The following SLC46A1 variants were observed in gnomAD, a reference collection of about 807,000 sequenced individuals.
SLC46A1 encodes the protein solute carrier family 46 member 1, also known as proton-coupled folate transporter.
Under a neutral mutation model 32.1 loss-of-function variants are expected in SLC46A1, and 17 were observed. The ratio of observed to expected loss-of-function variants is 0.53; its 90% CI spans 0.36 to 0.79. SLC46A1 has a LOEUF of 0.79. Ranked by LOEUF, SLC46A1 falls within the 30% of genes least tolerant of loss-of-function variation. The probability of loss-of-function intolerance (pLI) is 0.00; values close to 1 mark genes in which losing one functional copy is unlikely to be tolerated. For missense variants in SLC46A1, 517 were observed against 588.2 expected, an observed-to-expected ratio of 0.88 and a Z score of 1.25; for synonymous variants, 240 against 262.7, an observed-to-expected ratio of 0.91 and a Z score of 0.84.
chr17:28,394,841 G>A lies in SLC46A1; in HGVS notation c.*4815C>T, dbSNP rs2068101089. The A allele has an allele frequency of 6.6e-6, 1 of 152,186 alleles. No individual in the cohort carries two copies. Among genetic ancestry groups the A allele is most frequent in the African/African-American group, 2.4e-5 (1 of 41,426 alleles). 9.4% of individuals were successfully genotyped at this position (152,186 alleles called of 1,614,324 possible). ...CACAGGCAAAGAGAGAGGAATTTTA[G>A]CAGGATTACAACATTTTCCATACAA... On this transcript the variant is annotated 3_prime_UTR_variant, in exon 5 of 5. Coordinates refer to ENST00000612814, the MANE Select transcript of SLC46A1 (RefSeq NM_080669.6).
intron 3 of SLC46A1, chr17:28,400,976 T>C: frequency 1.7e-6 from 1 of 580,330 alleles, no homozygotes; most frequent in South Asian, 2.0e-5. Context: ...ACTAAACAAA[T>C]GGCTGCTATT....
intron 2 of SLC46A1, chr17:28,403,308 G>C (rs1249027211): frequency 6.6e-6 from 1 of 152,246 alleles, no homozygotes; most frequent in Non-Finnish European, 1.5e-5. Context: ...GAAGAGCATG[G>C]CATAGGGACA....
chr17:28,402,600 T>C (rs1257142209), intron 2 of SLC46A1: 1 of 316,314 alleles, frequency 3.2e-6, no homozygotes, highest in Non-Finnish European at 6.1e-6. Flanking sequence ...ACCCACCCAC[T>C]TGGCACTTAG....
chr17:28,405,711 G>A, intron 1 of SLC46A1, 176 bp downstream of exon 1: 1 of 956,178 alleles, frequency 1.0e-6, no homozygotes, highest in Non-Finnish European at 1.5e-6. Flanking sequence ...TCAGCTTTTC[G>A]CATCCCACCC....
chr17:28,405,837 C>A (rs1361281780), intron 1 of SLC46A1, 50 bp downstream of exon 1: 3 of 1,507,912 alleles, frequency 2.0e-6, no homozygotes, highest in Admixed American at 2.1e-5. Flanking sequence ...GCTGCCCCCA[C>A]GCTCCAGACC....
In SLC46A1 at chr17:28,402,163, C is replaced by A. The variant is rs2068203526; in HGVS notation, c.1165+75G>T. On this transcript the variant is annotated intron_variant, in intron 3 of 4. Transcript: ENST00000612814. Reference sequence around the variant, plus strand: ...GGGGGAAGGCAAGCTGTTCCCCCAGCCATGGCTGCCCATCAGCCCGTTTCG... The same window carrying A: ...GGGGGAAGGCAAGCTGTTCCCCCAGACATGGCTGCCCATCAGCCCGTTTCG... 26 of 1,302,116 alleles carry A rather than the reference C, an allele frequency of 2.0e-5. No individual in the cohort carries two copies. In the East Asian group the frequency reaches 6.5e-4, roughly 33 times the overall value. 80.7% of individuals were successfully genotyped at this position (1,302,116 alleles called of 1,614,324 possible). A position where few individuals can be genotyped will look rare whatever the true frequency, so the allele number is the denominator to read the frequency against.
chr17:28,405,669 C>CG lies in SLC46A1; in HGVS notation c.229-202_229-201insC, dbSNP rs375380207. On this transcript the variant is annotated intron_variant, in intron 1 of 4. Coordinates refer to ENST00000612814, the MANE Select transcript of SLC46A1 (RefSeq NM_080669.6). ...GCCCCATTCCCTTTCCTTTCCCCCC[C>CG]CTTTTGTTAACCTGCAAGGCCAGAC... is the stretch of plus-strand genomic sequence containing the variant. The CG allele has an allele frequency of 1.7e-4, 169 of 974,872 alleles. No individual in the cohort carries two copies. In the African/African-American group the frequency reaches 2.3e-3, roughly 14 times the overall value. The allele number at this position is 974,872 out of a possible 1,614,324, so 60.4% of individuals were successfully genotyped here. A position where few individuals can be genotyped will look rare whatever the true frequency, so the allele number is the denominator to read the frequency against.
chr17:28,406,413 C>G, upstream of SLC46A1: 1 of 366,898 alleles, frequency 2.7e-6, no homozygotes, highest in East Asian at 4.3e-5. The surrounding 1 kb of genome is among the most constrained non-coding windows in gnomAD (Gnocchi z 4.5). Flanking sequence ...AGACACACCA[C>G]AGATAACAAG....
In SLC46A1 at chr17:28,405,891, A is replaced by G. The variant is rs375346186; in HGVS notation, c.224T>C (p.Met75Thr). Residue 75 changes from methionine (M) to threonine (T), a missense_variant, in exon 1 of 5, where the codon ATG (methionine) becomes ACG (threonine). Coordinates refer to ENST00000612814, the MANE Select transcript of SLC46A1 (RefSeq NM_080669.6). ...GCSNRSADPT[M>T]QEVETLTSHW... is the part of the protein sequence containing the mutation. Reference sequence around the variant, plus strand: ...GGCTCCTCGCCGCCCCGCTACCTGCATGGTGGGGTCCGCGCTGCGGTTGCT... The same window carrying G: ...GGCTCCTCGCCGCCCCGCTACCTGCGTGGTGGGGTCCGCGCTGCGGTTGCT... 1.3e-6 allele frequency: 2 copies of G among 1,589,082 alleles called. No individual in the cohort carries two copies. Among genetic ancestry groups the G allele is most frequent in the African/African-American group, 2.7e-5 (2 of 74,634 alleles).
At position 28,402,298 on chromosome 17, in the gene SLC46A1, A is replaced by AT; in HGVS notation, c.1104dup (p.Leu369IlefsTer10). On this transcript the variant is annotated frameshift_variant, in exon 3 of 5. Coordinates refer to ENST00000612814, the MANE Select transcript of SLC46A1 (RefSeq NM_080669.6). LOFTEE classifies it high-confidence loss of function. The stretch of plus-strand genomic sequence containing the variant: ...GCCCGGATGACAGGTGTGATGACTA[A>AT]TGACAGGAAAAGCAACCCATATCCT... 6.2e-7 allele frequency: 1 copy of AT among 1,613,560 alleles called. No individual in the cohort carries two copies. The highest frequency in any genetic ancestry group is 8.5e-7 in the Non-Finnish European group (1 of 1,179,724).
At position 28,395,669 on chromosome 17, in the gene SLC46A1, C is replaced by T. The variant is rs1423337532; in HGVS notation, c.*3987G>A. 5.2e-5 allele frequency: 26 copies of T among 497,040 alleles called. No individual in the cohort carries two copies. The highest frequency in any genetic ancestry group is 5.0e-4 in the African/African-American group (26 of 51,834). 30.8% of individuals were successfully genotyped at this position (497,040 alleles called of 1,614,324 possible). On this transcript the variant is annotated 3_prime_UTR_variant, in exon 5 of 5. Transcript: ENST00000612814. ...CATCTCTTTAGCATACAAAGACACT[C>T]ATCACTCAAGAGATTCCAAGGGTTT...
In SLC46A1 at chr17:28,399,558, T is replaced by G; in HGVS notation, c.*98A>C. On this transcript the variant is annotated 3_prime_UTR_variant, in exon 5 of 5. Transcript: ENST00000612814. ...AGAGAGCACTGCCCTTAGACAAGAG[T>G]TGCTTGTCCTGCTGTGGGCTGGGCT... 2 of 1,262,456 alleles carry G rather than the reference T, an allele frequency of 1.6e-6. No homozygotes were observed. The highest frequency in any genetic ancestry group is 2.3e-6 in the Non-Finnish European group (2 of 872,684). The allele number at this position is 1,262,456 out of a possible 1,614,324, so 78.2% of individuals were successfully genotyped here.
Position 28,404,871 on chromosome 17 carries a change from C to A in SLC46A1, c.826G>T (p.Val276Leu). ...GCCCCAAAGTGCACAGTGATCACCA[C>A]GAAGATGGCCAGTGAGTAGAGGGCT... ...HLALYSLAIF[V>L]VITVHFGAQD... The change falls in exon 2 of 5, where the codon GTG becomes TTG. Residue 276 changes from valine (V) to leucine (L), a missense_variant. Physicochemically the swap from Val to Leu is conservative, Grantham distance 32. Coordinates refer to ENST00000612814, the MANE Select transcript of SLC46A1 (RefSeq NM_080669.6). The A allele has an allele frequency of 6.2e-7, 1 of 1,613,976 alleles. No individual in the cohort carries two copies. Among genetic ancestry groups the A allele is most frequent in the East Asian group, 2.2e-5 (1 of 44,884 alleles).
intron 4 of SLC46A1, 45 bp from the exon 5 acceptor site, chr17:28,399,758 C>T (rs1275514096): frequency 1.2e-6 from 2 of 1,606,072 alleles, no homozygotes; most frequent in South Asian, 1.1e-5. Flanking sequence ...GTGGGGAACC[C>T]TCAAGGCCTG....
intron 4 of SLC46A1, chr17:28,400,336 A>C: frequency 1.6e-5 from 7 of 439,442 alleles, no homozygotes; most frequent in East Asian, 4.5e-5. Flanking sequence ...TAAAATGGGA[A>C]TGGAGGGAAA....
intron 4 of SLC46A1, 140 bp from the exon 5 acceptor site, chr17:28,399,853 G>C: frequency 1.2e-6 from 1 of 811,514 alleles, no homozygotes; most frequent in Non-Finnish European, 2.1e-6. Context: ...CTGAGAAGCT[G>C]AGAGCTGGAG....
chr17:28,399,716 G>T lies in SLC46A1; in HGVS notation c.1323-3C>A, dbSNP rs781799325. ...GAGGATCAGCCTTTTCCAGCATCCT[G>T]TGAGAGACCAGAGAGAGAGTTTGGA... On this transcript the variant is annotated splice_polypyrimidine_tract_variant and splice_region_variant and intron_variant, in intron 4 of 4. Transcript: ENST00000612814. 1.7e-5 allele frequency: 27 copies of T among 1,613,820 alleles called. No individual in the cohort carries two copies. The South Asian group carries it at 2.9e-4, about 17-fold the overall frequency.
In SLC46A1 at chr17:28,406,050, C is replaced by T. The variant is rs782817249; in HGVS notation, c.65G>A (p.Arg22Gln). The change falls in exon 1 of 5, where the codon CGG becomes CAG. Residue 22 changes from arginine (R) to glutamine (Q), a missense_variant. Physicochemically the swap from Arg to Gln is conservative, Grantham distance 43. Coordinates refer to ENST00000612814, the MANE Select transcript of SLC46A1 (RefSeq NM_080669.6). The surrounding 1 kb of genome is among the most constrained non-coding windows in gnomAD (Gnocchi z 4.5). ...GAAGACCAGCGGCTCTACCGGGCCC[C>T]GGCACAGCACGGCAGCCGCAGGGCG... ...RARPAAAVLC[R>Q]GPVEPLVFLA... The T allele has an allele frequency of 3.7e-6, 6 of 1,602,600 alleles. No individual in the cohort carries two copies. In the Admixed American group the frequency reaches 1.0e-4, roughly 27 times the overall value.
chr17:28,398,525 A>G lies in SLC46A1; in HGVS notation c.*1131T>C, dbSNP rs1203498416. On this transcript the variant is annotated 3_prime_UTR_variant, in exon 5 of 5. Coordinates refer to ENST00000612814, the MANE Select transcript of SLC46A1 (RefSeq NM_080669.6). ...AGGACTCAGAAGTGGCCTTTCCTCC[A>G]AAGCCTGCTCAGACACAGGTCTGTA... The G allele has an allele frequency of 6.6e-6, 1 of 152,306 alleles. No individual in the cohort carries two copies. Among genetic ancestry groups the G allele is most frequent in the African/African-American group, 2.4e-5 (1 of 41,456 alleles). The allele number at this position is 152,306 out of a possible 1,614,324, so 9.4% of individuals were successfully genotyped here.
Sources: allele counts gnomAD v4.1 joint callset, GRCh38; gene constraint gnomAD v4.1.1; non-coding constraint Gnocchi (gnomAD v3.1); transcripts MANE v1.5; gene names NCBI Gene and HGNC (gene_info 2026-07-23, HGNC 2026-07-21).